Variants in GPR158 observed in about 807,000 individuals in gnomAD.
GPR158 encodes metabotropic glycine receptor.
In GPR158, 30 loss-of-function variants were observed where a neutral mutation model predicts 78.2. The ratio of observed to expected loss-of-function variants is 0.38; its 90% CI spans 0.29 to 0.52. GPR158 has a LOEUF of 0.52. GPR158 is among the 20% of genes least tolerant of loss of function. The probability of loss-of-function intolerance (pLI) is 0.83; values close to 1 mark genes in which losing one functional copy is unlikely to be tolerated. For missense variants in GPR158, 1,463 were observed against 1,523.5 expected (o/e 0.96, Z 0.66); for synonymous variants, 581 against 591.1 (o/e 0.98, Z 0.25).
intron 2 of GPR158, among the ~76,000 whole-genome samples, chr10:25,316,120 C>A (rs1260475074): frequency 1.3e-5 from 2 of 152,116 alleles, no homozygotes; most frequent in Non-Finnish European, 2.9e-5. Context: ...TTCTCTTACG[C>A]TAGTAACTTA....
At chr10:25,498,877 A>T (rs1039569895) in intron 5 of GPR158, among the ~76,000 whole-genome samples, 1 of 152,152 alleles carries the variant, frequency 6.6e-6, no homozygotes, top group African/African-American at 2.4e-5. Context: ...TCAAAAGGCA[A>T]TATATCCCCT....
intron 4 of GPR158, among the ~76,000 whole-genome samples, chr10:25,433,954 T>C (rs933984303): frequency 4.6e-5 from 7 of 151,924 alleles, no homozygotes; most frequent in African/African-American, 7.2e-5. Flanking sequence ...GGTCAGGAGA[T>C]TGAGACCGTC....
At chr10:25,282,868 ATTC>A (rs1226311392) in intron 2 of GPR158, among the ~76,000 whole-genome samples, 6 of 152,084 alleles carry the variant, frequency 3.9e-5, no homozygotes, top group African/African-American at 1.4e-4. Flanking sequence ...TATGCTAAAT[ATTC>A]TTATTTGTGA....
At chr10:25,216,480 G>A (rs1240467806) in intron 1 of GPR158, among the ~76,000 whole-genome samples, 1 of 151,834 alleles carries the variant, frequency 6.6e-6, no homozygotes, top group African/African-American at 2.4e-5. Flanking sequence ...TGGGGGTGGG[G>A]GGAATGTCAG....
At chr10:25,291,850 A>G (rs1854441221) in intron 2 of GPR158, among the ~76,000 whole-genome samples, 1 of 114,422 alleles carries the variant, frequency 8.7e-6, no homozygotes, top group Admixed American at 9.2e-5. Flanking sequence ...GATATAGTTA[A>G]TATTAATAGC....
chr10:25,259,338 G>T (rs1337633693), intron 2 of GPR158, among the ~76,000 whole-genome samples: 2 of 152,140 alleles, frequency 1.3e-5, no homozygotes, highest in African/African-American at 4.8e-5. Flanking sequence ...AGTGCCTTGT[G>T]TAGATAATTA....
At chr10:25,548,504 C>A (rs1836692457) in intron 5 of GPR158, among the ~76,000 whole-genome samples, 2 of 152,184 alleles carry the variant, frequency 1.3e-5, no homozygotes, top group South Asian at 4.1e-4. Context: ...TTACCACACA[C>A]TATTACATTT....
chr10:25,333,175 C>A (rs1855151119), intron 2 of GPR158, among the ~76,000 whole-genome samples: 1 of 152,040 alleles, frequency 6.6e-6, no homozygotes, highest in Admixed American at 6.6e-5. Context: ...CTTCGTATGA[C>A]TTTTTCATTT....
At chr10:25,430,707 G>A (rs1205926481) in intron 4 of GPR158, among the ~76,000 whole-genome samples, 39 of 134,620 alleles carry the variant, frequency 2.9e-4, no homozygotes, top group Non-Finnish European at 5.5e-4. Flanking sequence ...AAATAATGCC[G>A]CATACCTACA....
chr10:25,461,358 C>T lies in GPR158; in HGVS notation c.1336-5293C>T, dbSNP rs532269601. On this transcript the variant is annotated intron_variant, in intron 4 of 10. Transcript: ENST00000376351. ...ACACATGTATGATAAGAAAGCAAAA[C>T]AGGCTTATTGCTGATATGGAGAAAG... 9.9e-4 allele frequency among the ~76,000 whole-genome samples: 151 copies of T among 152,302 alleles called. 1 individual carries two copies. The highest frequency in any genetic ancestry group is 2.1e-3 in the South Asian group (10 of 4,828).
At chr10:25,299,528 T>A (rs1471573084) in intron 2 of GPR158, among the ~76,000 whole-genome samples, 1 of 152,186 alleles carries the variant, frequency 6.6e-6, no homozygotes, top group East Asian at 1.9e-4. Flanking sequence ...TCACTTAGTA[T>A]AATATCCTTT....
intron 5 of GPR158, among the ~76,000 whole-genome samples, chr10:25,498,803 C>A (rs973629658): frequency 6.6e-6 from 1 of 152,178 alleles, no homozygotes; most frequent in African/African-American, 2.4e-5. Flanking sequence ...TTAGAACAGC[C>A]TTTGCCTAGA....
intron 2 of GPR158, among the ~76,000 whole-genome samples, chr10:25,375,395 T>C (rs1834063369): frequency 2.0e-5 from 3 of 151,600 alleles, no homozygotes; most frequent in Admixed American, 6.6e-5. Context: ...TTAATTTTTT[T>C]CTTTATGAAT....
At chr10:25,205,521 T>A (rs1853012760) in intron 1 of GPR158, among the ~76,000 whole-genome samples, 1 of 152,108 alleles carries the variant, frequency 6.6e-6, no homozygotes, top group South Asian at 2.1e-4. Flanking sequence ...TGTTCGGCTG[T>A]TAATTTGAGA....
intron 2 of GPR158, among the ~76,000 whole-genome samples, chr10:25,340,178 G>C (rs1350375439): frequency 6.6e-6 from 1 of 152,016 alleles, no homozygotes; most frequent in Admixed American, 6.6e-5. Context: ...GGATCCTCAA[G>C]TCCTGGTTGC....
intron 5 of GPR158, among the ~76,000 whole-genome samples, chr10:25,538,289 TA>T (rs1836527042): frequency 6.6e-6 from 1 of 152,178 alleles, no homozygotes; most frequent in Non-Finnish European, 1.5e-5. Flanking sequence ...ATCTTTTTTT[TA>T]AATTATACTT....
At chr10:25,278,095 A>G (rs1255697468) in intron 2 of GPR158, among the ~76,000 whole-genome samples, 1 of 152,188 alleles carries the variant, frequency 6.6e-6, no homozygotes, top group African/African-American at 2.4e-5. Flanking sequence ...AATAATGACC[A>G]TGTTGGTAAA....
At chr10:25,236,529 A>C (rs1464454629) in intron 2 of GPR158, among the ~76,000 whole-genome samples, 1 of 152,206 alleles carries the variant, frequency 6.6e-6, no homozygotes, top group Non-Finnish European at 1.5e-5. Context: ...AAAATAAAAA[A>C]ATAAATTTCT....
rs1316985278 is a variant in GPR158 at position 25,175,841 on chromosome 10, C to G, written c.421C>G (p.Gln141Glu). 69 of 1,613,522 alleles carry G rather than the reference C, an allele frequency of 4.3e-5. No homozygotes were observed. The highest frequency in any genetic ancestry group is 5.4e-5 in the Non-Finnish European group (64 of 1,180,000). The change falls in exon 1 of 11, where the codon CAG becomes GAG. Residue 141 changes from glutamine (Q) to glutamate (E), a missense_variant. Transcript: ENST00000376351. This position sits in a 1 kb window ranked among gnomAD's most constrained non-coding sequence, Gnocchi z 6.4. ...CACCAACTTCCTCAACGTGATGCTG[C>G]AGAGCAATAAGTCGCGGGAGCAGAA... ...HATNFLNVML[Q>E]SNKSREQNLQ...
Sources: gnomAD v4.1 joint callset for allele counts (sites outside exome capture counted in the v4.1 genomes callset) on GRCh38, gnomAD v4.1.1 for gene constraint, Gnocchi (gnomAD v3.1) non-coding constraint, MANE v1.5 for transcripts, NCBI Gene and HGNC (gene_info 2026-07-23, HGNC 2026-07-21) for gene names.